The following CYB5A variants were observed in gnomAD, a reference collection of about 807,000 sequenced individuals.
CYB5A encodes cytochrome b5 type A.
Under a neutral mutation model 16.2 loss-of-function variants are expected in CYB5A, and 10 were observed. That is an observed-to-expected ratio of 0.62 (90% CI 0.38 to 1.04). The LOEUF (loss-of-function observed/expected upper bound fraction) is 1.04, where lower values mean the gene tolerates loss of function less well. CYB5A is among the 50% of genes least tolerant of loss of function. CYB5A has a pLI of 0.01. For synonymous variants in CYB5A, 62 were observed against 57.0 expected, an observed-to-expected ratio of 1.09 and a Z score of -0.40; for missense variants, 161 against 165.9, an observed-to-expected ratio of 0.97 and a Z score of 0.16.
intron 1 of CYB5A, among the ~76,000 whole-genome samples, chr18:74,286,294 G>T (rs1266809966): frequency 6.6e-6 from 1 of 152,184 alleles, no homozygotes; most frequent in East Asian, 1.9e-4. Context: ...ATGTTTAAAA[G>T]CTCCTGAAAT....
rs575917382 is a variant in CYB5A at position 74,264,522 on chromosome 18, G to C, written c.130-1045C>G. Among the ~76,000 whole-genome samples the C allele has an allele frequency of 2.0e-5, 3 of 152,282 alleles. No homozygotes were observed. The East Asian group carries it at 5.8e-4, about 29-fold the overall frequency. ...GTCACTTCCCTCTGGAAAGCACCCTGCGTGCCGGCAATGCACGGGCAGCAC... is the reference window on the plus strand; with the variant it reads ...GTCACTTCCCTCTGGAAAGCACCCTCCGTGCCGGCAATGCACGGGCAGCAC... On this transcript the variant is annotated intron_variant, in intron 1 of 4. Coordinates refer to ENST00000340533, the MANE Select transcript of CYB5A (RefSeq NM_148923.4).
intron 2 of CYB5A, among the ~76,000 whole-genome samples, chr18:74,262,821 G>A (rs946694022): frequency 6.6e-6 from 1 of 152,118 alleles, no homozygotes; most frequent in Non-Finnish European, 1.5e-5. Flanking sequence ...ATGGCTGTGG[G>A]GTGGAGCCTG....
chr18:74,264,031 C>T (rs969753734), intron 1 of CYB5A, among the ~76,000 whole-genome samples: 11 of 152,048 alleles, frequency 7.2e-5, no homozygotes, highest in African/African-American at 2.4e-4. Flanking sequence ...GCCTACATGG[C>T]GAAACCCCAT....
chr18:74,263,102 C>T (rs909633714), intron 2 of CYB5A, among the ~76,000 whole-genome samples: 4 of 145,216 alleles, frequency 2.8e-5, no homozygotes, highest in Non-Finnish European at 6.0e-5. Flanking sequence ...GAGCCATGAT[C>T]GTGCCACTGC....
intron 1 of CYB5A, among the ~76,000 whole-genome samples, chr18:74,283,182 C>T (rs1983184261): frequency 2.0e-5 from 3 of 152,196 alleles, no homozygotes; most frequent in South Asian, 4.1e-4. Flanking sequence ...GGATATGGAC[C>T]CGGAAGGGGA....
Position 74,252,814 on chromosome 18 carries a change from CT to C in CYB5A, c.*769del, listed in dbSNP as rs1357623003. 15 of 152,264 alleles carry C rather than the reference CT, an allele frequency of 9.9e-5. No individual in the cohort carries two copies. Among genetic ancestry groups the C allele is most frequent in the African/African-American group, 3.6e-4 (15 of 41,442 alleles). 9.4% of individuals were successfully genotyped at this position (152,264 alleles called of 1,614,324 possible). On this transcript the variant is annotated 3_prime_UTR_variant, in exon 5 of 5. Transcript: ENST00000340533. ...TGCCTCCTGGGTTCAAGCAATTCTC[CT>C]GCCTCAGCCTCCCAAGTAGCCGGGA...
chr18:74,277,817 G>A (rs1274472637), intron 1 of CYB5A, among the ~76,000 whole-genome samples: 1 of 152,228 alleles, frequency 6.6e-6, no homozygotes, highest in Admixed American at 6.5e-5. Flanking sequence ...ACACAACGGT[G>A]TCATGGAGGA....
chr18:74,253,160 A>G lies in CYB5A; in HGVS notation c.*424T>C. ...GAGATGTGACGATGTGAAAGGAGAC[A>G]CTCAAACCTATTTCCCGCACCTCCA... is the stretch of plus-strand genomic sequence containing the variant. On this transcript the variant is annotated 3_prime_UTR_variant, in exon 5 of 5. Coordinates refer to ENST00000340533, the MANE Select transcript of CYB5A (RefSeq NM_148923.4). 1 of 237,908 alleles carries G rather than the reference A, an allele frequency of 4.2e-6. No individual in the cohort carries two copies. The highest frequency in any genetic ancestry group is 8.3e-6 in the Non-Finnish European group (1 of 119,902). The allele number at this position is 237,908 out of a possible 1,614,324, so 14.7% of individuals were successfully genotyped here.
At chr18:74,281,074 C>A (rs1423413481) in intron 1 of CYB5A, among the ~76,000 whole-genome samples, 1 of 151,990 alleles carries the variant, frequency 6.6e-6, no homozygotes, top group African/African-American at 2.4e-5. Context: ...TGGTGAGATT[C>A]TGACATTATG....
At position 74,253,733 on chromosome 18, in the gene CYB5A, C is replaced by T. The variant is rs1981857516; in HGVS notation, c.324-68G>A. On this transcript the variant is annotated intron_variant, in intron 4 of 4. Transcript: ENST00000340533. ...TGTGGTGGACTCAAAATCTTTGCTC[C>T]TTCTAACAGAAAATTACCAGGGCAT... is the stretch of plus-strand genomic sequence containing the variant. The T allele has an allele frequency of 1.1e-5, 12 of 1,063,376 alleles. No individual in the cohort carries two copies. The South Asian group carries it at 1.6e-4, about 14-fold the overall frequency. The allele number at this position is 1,063,376 out of a possible 1,614,324, so 65.9% of individuals were successfully genotyped here.
intron 1 of CYB5A, among the ~76,000 whole-genome samples, chr18:74,267,778 GA>G (rs1982500802): frequency 6.6e-6 from 1 of 152,234 alleles, no homozygotes; most frequent in Non-Finnish European, 1.5e-5. Flanking sequence ...GAGCCAAATG[GA>G]AGCTGTGGAT....
At chr18:74,278,095 T>C (rs763286856) in intron 1 of CYB5A, among the ~76,000 whole-genome samples, 5 of 152,182 alleles carry the variant, frequency 3.3e-5, no homozygotes, top group Non-Finnish European at 7.3e-5. Context: ...GTGTGGACCC[T>C]TCTAAAGCTC....
chr18:74,266,387 G>A (rs1248085412), intron 1 of CYB5A, among the ~76,000 whole-genome samples: 1 of 152,174 alleles, frequency 6.6e-6, no homozygotes, highest in Non-Finnish European at 1.5e-5. Context: ...TTTGATTCCT[G>A]TTAAGGATAT....
chr18:74,280,839 T>C (rs922375038), intron 1 of CYB5A, among the ~76,000 whole-genome samples: 6 of 152,300 alleles, frequency 3.9e-5, no homozygotes, highest in Admixed American at 3.9e-4. Flanking sequence ...TGTGTCCCTC[T>C]GCCAGAACTA....
chr18:74,290,107 C>G (rs1366259389), intron 1 of CYB5A, among the ~76,000 whole-genome samples: 2 of 152,108 alleles, frequency 1.3e-5, no homozygotes. Flanking sequence ...TGCAGCCGGG[C>G]AGGAGGGAGA....
rs143859544 is a variant in CYB5A, at chr18:74,291,278, T to C, written c.129+469A>G. ...AAAGGGATCATTTAAATCCCCCGCA[T>C]GGCTGCGCGCTATCCCCGGAAGGCT... On this transcript the variant is annotated intron_variant, in intron 1 of 4. Coordinates refer to ENST00000340533, the MANE Select transcript of CYB5A (RefSeq NM_148923.4). Among the ~76,000 whole-genome samples, 894 of 152,346 alleles carry C rather than the reference T, an allele frequency of 5.9e-3. 10 individuals carry two copies. Among genetic ancestry groups the C allele is most frequent in the African/African-American group, 0.02 (828 of 41,586 alleles).
intron 1 of CYB5A, among the ~76,000 whole-genome samples, chr18:74,267,368 G>C (rs1240071301): frequency 2.0e-5 from 3 of 152,168 alleles, no homozygotes; most frequent in Non-Finnish European, 4.4e-5. Flanking sequence ...GATTGGTCAG[G>C]CTGGTCTTGA....
intron 1 of CYB5A, among the ~76,000 whole-genome samples, chr18:74,268,697 C>T (rs544135630): frequency 2.6e-5 from 4 of 151,970 alleles, no homozygotes; most frequent in South Asian, 4.2e-4. Context: ...AGAGGGCTTC[C>T]GGACGGTAAG....
intron 3 of CYB5A, chr18:74,256,558 A>G (rs1981989858): frequency 2.0e-6 from 1 of 504,926 alleles, no homozygotes; most frequent in African/African-American, 1.9e-5. Context: ...GTCTAGTGAA[A>G]TATCAACTTT....
Sources: gnomAD v4.1 joint callset for allele counts (sites outside exome capture counted in the v4.1 genomes callset) on GRCh38, gnomAD v4.1.1 for gene constraint, MANE v1.5 for transcripts, NCBI Gene and HGNC (gene_info 2026-07-23, HGNC 2026-07-21) for gene names.